The following RAB11A variants were observed in gnomAD, a reference collection of about 807,000 sequenced individuals.
RAB11A encodes RAB11A, member RAS oncogene family, also known as ras-related protein Rab-11A.
A neutral mutation model predicts 28.0 loss-of-function variants in RAB11A; 9 were observed. That is an observed-to-expected ratio of 0.32 (90% confidence interval 0.19 to 0.56). The LOEUF is 0.56. Among genes scored for constraint, RAB11A ranks in the 20% least tolerant of loss-of-function variants. The pLI, the probability that RAB11A is intolerant of heterozygous loss-of-function variation, is 0.91. For missense variants in RAB11A, 108 were observed against 269.6 expected, an observed-to-expected ratio of 0.40 and a Z score of 4.20; for synonymous variants, 85 against 88.2, an observed-to-expected ratio of 0.96 and a Z score of 0.20.
At chr15:65,878,152 A>G (rs2078200310) in intron 3 of RAB11A, 197 bp downstream of exon 3, 4 of 659,080 alleles carry the variant, frequency 6.1e-6, no homozygotes, top group East Asian at 2.8e-5. Context: ...CTGCCAAAAA[A>G]TGAATATAAA....
At chr15:65,878,018 A>G (rs750498195) in intron 3 of RAB11A, 63 bp downstream of exon 3, 20 of 1,391,858 alleles carry the variant, frequency 1.4e-5, no homozygotes, top group South Asian at 2.3e-5. Flanking sequence ...ATACCTTCCA[A>G]TGAGAGTAAT....
At chr15:65,881,936 G>A (rs966681968) in intron 4 of RAB11A, among the ~76,000 whole-genome samples, 8 of 150,722 alleles carry the variant, frequency 5.3e-5, no homozygotes, top group Non-Finnish European at 1.0e-4. Context: ...TAGTGTGTGC[G>A]CCTGTAGTCC....
At chr15:65,872,723 C>T (rs1349072325) in intron 1 of RAB11A, among the ~76,000 whole-genome samples, 2 of 151,922 alleles carry the variant, frequency 1.3e-5, no homozygotes, top group East Asian at 1.9e-4. Flanking sequence ...TGTGAGCCAC[C>T]GTGCCTGGCC....
rs781188171 is a variant in RAB11A at position 65,878,572 on chromosome 15, G to A, written c.430+617G>A. ...CGGGCGCCTGTAGTCCCAGCTACTC[G>A]GGAGGCTGAGGCAGGAGAATGGCGT... On this transcript the variant is annotated intron_variant, in intron 3 of 4. Transcript: ENST00000261890. Among the ~76,000 whole-genome samples the A allele has an allele frequency of 5.3e-5, 8 of 152,256 alleles. No individual in the cohort carries two copies. The South Asian group carries it at 6.2e-4, about 12-fold the overall frequency.
At chr15:65,870,663 G>T (rs1184188650) in intron 1 of RAB11A, among the ~76,000 whole-genome samples, 1 of 152,220 alleles carries the variant, frequency 6.6e-6, no homozygotes, top group Non-Finnish European at 1.5e-5. Context: ...AACGCTGGGA[G>T]GATCCAACAG....
chr15:65,888,243 C>G lies in RAB11A; in HGVS notation c.*403C>G, dbSNP rs890749528. 1 of 156,606 alleles carries G rather than the reference C, an allele frequency of 6.4e-6. No homozygotes were observed. The highest frequency in any genetic ancestry group is 2.4e-5 in the African/African-American group (1 of 41,606). The allele number at this position is 156,606 out of a possible 1,614,324, so 9.7% of individuals were successfully genotyped here. ...GCCACAGAGCAGCTTATAGGTAATA[C>G]ACTCTTCTCTCAGTGCAGTGTACAT... On this transcript the variant is annotated 3_prime_UTR_variant, in exon 5 of 5. Coordinates refer to ENST00000261890, the MANE Select transcript of RAB11A (RefSeq NM_004663.5).
chr15:65,880,140 A>G (rs975943326), intron 4 of RAB11A, among the ~76,000 whole-genome samples: 3 of 152,232 alleles, frequency 2.0e-5, no homozygotes, highest in African/African-American at 7.2e-5. Flanking sequence ...GGGAAAAAAC[A>G]TTTTTAAAAA....
chr15:65,880,060 G>C lies in RAB11A; in HGVS notation c.511+309G>C, dbSNP rs1404313615. The stretch of plus-strand genomic sequence containing the variant: ...GTAATGTTTAAATGTACTTTTATGA[G>C]GTAAATATTGAGATCCCAGCTATAG... On this transcript the variant is annotated intron_variant, in intron 4 of 4. Transcript: ENST00000261890. Among the ~76,000 whole-genome samples the C allele has an allele frequency of 2.0e-5, 3 of 152,196 alleles. No individual in the cohort carries two copies. The East Asian group carries it at 5.8e-4, about 29-fold the overall frequency.
chr15:65,884,919 T>C (rs1423523107), intron 4 of RAB11A, among the ~76,000 whole-genome samples: 1 of 151,648 alleles, frequency 6.6e-6, no homozygotes, highest in East Asian at 1.9e-4. Context: ...TGTTCTCCTT[T>C]AGAACCAAAT....
At chr15:65,886,610 T>C (rs1451905380) in intron 4 of RAB11A, among the ~76,000 whole-genome samples, 1 of 152,230 alleles carries the variant, frequency 6.6e-6, no homozygotes, top group Non-Finnish European at 1.5e-5. Flanking sequence ...TCTTAAGGAC[T>C]TTATAATCTA....
chr15:65,885,935 A>T (rs1183969215), intron 4 of RAB11A, among the ~76,000 whole-genome samples: 2 of 152,238 alleles, frequency 1.3e-5, no homozygotes, highest in South Asian at 2.1e-4. Context: ...ATTACTGGGG[A>T]GGATGAACGG....
intron 1 of RAB11A, among the ~76,000 whole-genome samples, chr15:65,871,688 C>G (rs2078161594): frequency 6.6e-6 from 1 of 152,158 alleles, no homozygotes; most frequent in Non-Finnish European, 1.5e-5. Context: ...ATTGAGAGCA[C>G]TGAGCTTTGG....
chr15:65,873,537 A>G lies in RAB11A; in HGVS notation c.41-3795A>G, dbSNP rs115399255. On this transcript the variant is annotated intron_variant, in intron 1 of 4. Transcript: ENST00000261890. ...AGACTTGAGCCTTATTGTATGCATTATATCTATATCTATATCTATATATAT... is the reference window on the plus strand; with the variant it reads ...AGACTTGAGCCTTATTGTATGCATTGTATCTATATCTATATCTATATATAT... Among the ~76,000 whole-genome samples the G allele has an allele frequency of 8.9e-3, 1,319 of 148,610 alleles. 23 individuals carry two copies. Among genetic ancestry groups the G allele is most frequent in the South Asian group, 0.058 (277 of 4,750 alleles).
At position 65,887,813 on chromosome 15, in the gene RAB11A, A is replaced by C; in HGVS notation, c.624A>C (p.Pro208=). 3 of 1,613,116 alleles carry C rather than the reference A, an allele frequency of 1.9e-6. No individual in the cohort carries two copies. Among genetic ancestry groups the C allele is most frequent in the Non-Finnish European group, 2.5e-6 (3 of 1,179,606 alleles). Residue 208 remains proline (P), a synonymous_variant, in exon 5 of 5, where the codon CCA becomes CCC. Transcript: ENST00000261890. ...TTCCACCAACCACTGAAAACAAGCC[A>C]AAGGTGCAGTGCTGTCAGAACATCT... The part of the protein sequence containing the change: ...IHVPPTTENK[P]KVQCCQNI
chr15:65,887,416 G>C (rs369412187), intron 4 of RAB11A, among the ~76,000 whole-genome samples: 1 of 152,104 alleles, frequency 6.6e-6, no homozygotes, highest in East Asian at 1.9e-4. Flanking sequence ...CAGGTGATCT[G>C]CCTGGCCTGG....
intron 1 of RAB11A, among the ~76,000 whole-genome samples, chr15:65,874,454 T>C (rs1048011677): frequency 6.6e-6 from 1 of 152,148 alleles, no homozygotes; most frequent in Non-Finnish European, 1.5e-5. Flanking sequence ...TTGGTCAGGC[T>C]GGTCTCAAAC....
Position 65,877,285 on chromosome 15 carries a change from AAT to A in RAB11A, c.41-44_41-43del, listed in dbSNP as rs1456817137. On this transcript the variant is annotated intron_variant, in intron 1 of 4. Transcript: ENST00000261890. The surrounding 1 kb of genome is among the most constrained non-coding windows in gnomAD (Gnocchi z 4.1). Reference sequence around the variant, plus strand: ...CTGTTGAAAGCATAGTGGTGTTCTGAATATGTTTGCCTCATTCATCTGACATT... The same window carrying A: ...CTGTTGAAAGCATAGTGGTGTTCTGAATGTTTGCCTCATTCATCTGACATT... 3 of 1,468,276 alleles carry A rather than the reference AAT, an allele frequency of 2.0e-6. No individual in the cohort carries two copies. Among genetic ancestry groups the A allele is most frequent in the African/African-American group, 1.4e-5 (1 of 71,402 alleles). 91.0% of individuals were successfully genotyped at this position (1,468,276 alleles called of 1,614,324 possible).
intron 4 of RAB11A, among the ~76,000 whole-genome samples, chr15:65,886,492 G>A (rs1201236194): frequency 6.6e-6 from 1 of 152,114 alleles, no homozygotes; most frequent in Non-Finnish European, 1.5e-5. Context: ...CGTATTAGGA[G>A]GCTAATTGTG....
At chr15:65,884,404 C>T (rs1399893317) in intron 4 of RAB11A, among the ~76,000 whole-genome samples, 1 of 152,060 alleles carries the variant, frequency 6.6e-6, no homozygotes, top group African/African-American at 2.4e-5. Context: ...TAAGTTTTAA[C>T]TTCCTTATAA....
Sources: gnomAD v4.1 joint callset for allele counts (sites outside exome capture counted in the v4.1 genomes callset) on GRCh38, gnomAD v4.1.1 for gene constraint, Gnocchi (gnomAD v3.1) non-coding constraint, MANE v1.5 for transcripts, NCBI Gene and HGNC (gene_info 2026-07-23, HGNC 2026-07-21) for gene names.